The following MACROD2 variants were observed in gnomAD, a reference collection of about 807,000 sequenced individuals.
The protein encoded by MACROD2 is mono-ADP ribosylhydrolase 2.
In MACROD2, 36 loss-of-function variants were observed where a neutral mutation model predicts 70.4. The ratio of observed to expected loss-of-function variants is 0.51; its 90% CI spans 0.39 to 0.68. The LOEUF (loss-of-function observed/expected upper bound fraction) is 0.68, where lower values mean the gene tolerates loss of function less well. Among genes scored for constraint, MACROD2 ranks in the 30% least tolerant of loss-of-function variants. MACROD2 has a pLI of 0.00. For synonymous variants in MACROD2, 172 were observed against 178.8 expected, an observed-to-expected ratio of 0.96 and a Z score of 0.30; for missense variants, 496 against 538.4, an observed-to-expected ratio of 0.92 and a Z score of 0.78.
At chr20:14,712,355 A>C (rs926020886) in intron 5 of MACROD2, among the ~76,000 whole-genome samples, 1 of 152,206 alleles carries the variant, frequency 6.6e-6, no homozygotes, top group Non-Finnish European at 1.5e-5. Context: ...GTAAACAGCC[A>C]ACAGCAGTGC....
At chr20:15,415,979 G>A (rs1044036300) in intron 6 of MACROD2, among the ~76,000 whole-genome samples, 12 of 152,088 alleles carry the variant, frequency 7.9e-5, no homozygotes, top group South Asian at 4.1e-4. Context: ...ACCCTGGCCC[G>A]CTAGAGCATT....
chr20:15,517,326 T>A lies in MACROD2; in HGVS notation c.645+17479T>A, dbSNP rs1178398498. On this transcript the variant is annotated intron_variant, in intron 8 of 17. Coordinates refer to ENST00000684519, the MANE Select transcript of MACROD2 (RefSeq NM_001351661.2). ...CTCACACTGACTTCTTTTATTCAGG[T>A]CTTATCTCACACAGCACCTCTTCAC... Among the ~76,000 whole-genome samples, 3 of 152,316 alleles carry A rather than the reference T, an allele frequency of 2.0e-5. No individual in the cohort carries two copies. In the East Asian group the frequency reaches 5.8e-4, roughly 29 times the overall value.
intron 5 of MACROD2, among the ~76,000 whole-genome samples, chr20:14,994,584 A>C (rs1167047281): frequency 6.6e-6 from 1 of 152,102 alleles, no homozygotes; most frequent in Non-Finnish European, 1.5e-5. Context: ...GTGAGATCCC[A>C]TCCCCACCAA....
intron 3 of MACROD2, among the ~76,000 whole-genome samples, chr20:14,462,601 TC>T (rs201295691): frequency 0.43 from 65,249 of 151,716 alleles, 15,771 homozygotes; most frequent in East Asian, 0.82. Flanking sequence ...AGACATGAAG[TC>T]CTTGCCCATG....
intron 5 of MACROD2, among the ~76,000 whole-genome samples, chr20:15,140,435 G>C (rs1967749): frequency 0.12 from 17,729 of 152,128 alleles, 1,257 homozygotes; most frequent in East Asian, 0.35. Flanking sequence ...ATTATAATAT[G>C]TATAACCGAG....
chr20:15,686,647 C>G (rs2050228829), intron 8 of MACROD2, among the ~76,000 whole-genome samples: 2 of 152,014 alleles, frequency 1.3e-5, no homozygotes, highest in South Asian at 4.1e-4. Flanking sequence ...CCAAGGTGGG[C>G]AGATCACATG....
chr20:15,852,370 C>T (rs1286510900), intron 8 of MACROD2, among the ~76,000 whole-genome samples: 1 of 152,116 alleles, frequency 6.6e-6, no homozygotes. Flanking sequence ...CAAAAAAGCC[C>T]CCCAAAATAA....
intron 15 of MACROD2, among the ~76,000 whole-genome samples, chr20:16,038,813 T>A (rs1376850750): frequency 6.6e-6 from 1 of 151,984 alleles, no homozygotes; most frequent in Non-Finnish European, 1.5e-5. Context: ...TAGAGATAAC[T>A]TGAGGCTTTT....
chr20:14,857,160 T>A (rs1361927375), intron 5 of MACROD2, among the ~76,000 whole-genome samples: 1 of 152,194 alleles, frequency 6.6e-6, no homozygotes, highest in Admixed American at 6.5e-5. Flanking sequence ...CCCTATTCTC[T>A]CTCTGTTCTC....
intron 5 of MACROD2, among the ~76,000 whole-genome samples, chr20:14,946,826 G>A (rs935820998): frequency 6.6e-6 from 1 of 152,078 alleles, no homozygotes; most frequent in Non-Finnish European, 1.5e-5. Context: ...TTCATTCCAC[G>A]TGATTTATTT....
chr20:14,102,604 G>A (rs2054315541), intron 3 of MACROD2, among the ~76,000 whole-genome samples: 2 of 152,126 alleles, frequency 1.3e-5, no homozygotes, highest in Admixed American at 1.3e-4. Context: ...AAAAATGACT[G>A]CACACCATTC....
At chr20:14,760,242 G>A (rs557865113) in intron 5 of MACROD2, among the ~76,000 whole-genome samples, 3 of 152,032 alleles carry the variant, frequency 2.0e-5, no homozygotes, top group Admixed American at 6.6e-5. Flanking sequence ...GAGGGATCCC[G>A]CGTAGATGGC....
At chr20:14,660,120 CT>C (rs1986156715) in intron 4 of MACROD2, among the ~76,000 whole-genome samples, 1 of 152,220 alleles carries the variant, frequency 6.6e-6, no homozygotes, top group African/African-American at 2.4e-5. Flanking sequence ...ACAGCCATGG[CT>C]TAGCCTCTTG....
At chr20:15,848,367 G>T (rs568730516) in intron 8 of MACROD2, among the ~76,000 whole-genome samples, 1 of 148,788 alleles carries the variant, frequency 6.7e-6, no homozygotes, top group Non-Finnish European at 1.5e-5. Flanking sequence ...GCCAGGGGGA[G>T]GGGGGGGTCA....
intron 8 of MACROD2, among the ~76,000 whole-genome samples, chr20:15,769,880 A>G (rs1033373937): frequency 2.6e-5 from 4 of 152,132 alleles, no homozygotes; most frequent in Non-Finnish European, 5.9e-5. Flanking sequence ...TCTCATCCTG[A>G]GAGTATTTTT....
At chr20:14,562,610 G>A (rs73901890) in intron 4 of MACROD2, among the ~76,000 whole-genome samples, 4,803 of 151,944 alleles carry the variant, frequency 0.032, 241 homozygotes, top group African/African-American at 0.11. Context: ...TCTTTCTACT[G>A]TTTGAAATTG....
chr20:14,006,893 T>C (rs1308631323), intron 2 of MACROD2, among the ~76,000 whole-genome samples: 4 of 152,138 alleles, frequency 2.6e-5, no homozygotes, highest in African/African-American at 9.7e-5. Flanking sequence ...CAGAGTGGGG[T>C]TTAAATTTTT....
intron 3 of MACROD2, among the ~76,000 whole-genome samples, chr20:14,161,727 C>T (rs907340987): frequency 6.6e-6 from 1 of 152,030 alleles, no homozygotes; most frequent in African/African-American, 2.4e-5. Context: ...CAGGTACGCG[C>T]CACCACACCA....
At chr20:15,670,886 C>T (rs73105628) in intron 8 of MACROD2, among the ~76,000 whole-genome samples, 12,150 of 152,232 alleles carry the variant, frequency 0.08, 990 homozygotes, top group African/African-American at 0.21. Flanking sequence ...GAAATAGTCA[C>T]ATGATCACTT....
Sources: gnomAD v4.1 joint callset for allele counts (sites outside exome capture counted in the v4.1 genomes callset) on GRCh38, gnomAD v4.1.1 for gene constraint, MANE v1.5 for transcripts, NCBI Gene and HGNC (gene_info 2026-07-23, HGNC 2026-07-21) for gene names.